Variants in MYH4 observed in about 807,000 individuals in gnomAD.
The protein encoded by MYH4 is myosin heavy chain 4.
MYH4 carries 200 observed loss-of-function variants against 229.9 expected under a neutral mutation model. That is an observed-to-expected ratio of 0.87 (90% confidence interval 0.78 to 0.98). MYH4 has a LOEUF of 0.98. Ranked by LOEUF, MYH4 falls within the 50% of genes least tolerant of loss-of-function variation. The pLI is 0.00. For synonymous variants in MYH4, 761 were observed against 834.6 expected, an observed-to-expected ratio of 0.91 and a Z score of 1.52; for missense variants, 2,148 against 2,332.6, an observed-to-expected ratio of 0.92 and a Z score of 1.63.
At position 10,456,860 on chromosome 17, in the gene MYH4, C is replaced by A. The variant is rs560840024; in HGVS notation, c.1898-305G>T. Among the ~76,000 whole-genome samples the A allele has an allele frequency of 4.6e-5, 7 of 152,296 alleles. No homozygotes were observed. The South Asian group carries it at 1.4e-3, about 32-fold the overall frequency. ...CAATGTCTGTTCTCTGAAGGAAGGG[C>A]CAAGGAGACAGAGTAGTAATGCCTT... On this transcript the variant is annotated intron_variant, in intron 16 of 39. Transcript: ENST00000255381.
intron 5 of MYH4, among the ~76,000 whole-genome samples, chr17:10,465,165 A>C (rs1326453189): frequency 2.0e-5 from 3 of 152,214 alleles, no homozygotes; most frequent in Admixed American, 6.5e-5. Flanking sequence ...ATTAATTTTG[A>C]GGTGGAACTA....
chr17:10,464,401 T>A (rs2072737509), intron 7 of MYH4, 71 bp downstream of exon 7: 10 of 1,267,992 alleles, frequency 7.9e-6, no homozygotes, highest in Admixed American at 7.9e-5. Flanking sequence ...CTGTATACAG[T>A]CTACTGTTGA....
Position 10,453,778 on chromosome 17 carries a change from C to T in MYH4, c.2799G>A (p.Glu933=), listed in dbSNP as rs767459401. Reference sequence around the variant, plus strand: ...CTGTCAGCTCAGCATTGATCTCTTCCTCATCCTCAGCTCTTTCAGTTACCT... The same window carrying T: ...CTGTCAGCTCAGCATTGATCTCTTCTTCATCCTCAGCTCTTTCAGTTACCT... ...IKEVTERAED[E]EEINAELTAK... Residue 933 remains glutamate, a synonymous_variant, in exon 23 of 40, where the codon GAG becomes GAA. Transcript: ENST00000255381. The T allele has an allele frequency of 3.1e-6, 5 of 1,613,936 alleles. No individual in the cohort carries two copies. The highest frequency in any genetic ancestry group is 3.4e-6 in the Non-Finnish European group (4 of 1,180,002).
rs767277489 is a variant in MYH4, at chr17:10,452,431, C to T, written c.3333G>A (p.Lys1111=). Residue 1111 remains lysine, a synonymous_variant, in exon 26 of 40, where the codon AAG becomes AAA. Coordinates refer to ENST00000255381, the MANE Select transcript of MYH4 (RefSeq NM_017533.2). ...EQALAIQLQK[K]IKELQARIEE... is the part of the protein sequence containing the mutation. Reference sequence around the variant, plus strand: ...TATAACTTACCTGTAATTCTTTGATCTTCTTTTGTAGCTGTATTGCAAGGG... The same window carrying T: ...TATAACTTACCTGTAATTCTTTGATTTTCTTTTGTAGCTGTATTGCAAGGG... 3.7e-6 allele frequency: 6 copies of T among 1,613,958 alleles called. No individual in the cohort carries two copies. Among genetic ancestry groups the T allele is most frequent in the Non-Finnish European group, 5.1e-6 (6 of 1,179,980 alleles).
chr17:10,447,364 G>T, intron 34 of MYH4, 148 bp from the exon 35 acceptor site: 2 of 655,672 alleles, frequency 3.1e-6, no homozygotes, highest in South Asian at 2.1e-5. Flanking sequence ...ATTCTTTGTA[G>T]CTGAGGGTTG....
chr17:10,460,851 C>T (rs1401834477), intron 12 of MYH4, 65 bp downstream of exon 12: 2 of 1,577,762 alleles, frequency 1.3e-6, no homozygotes, highest in East Asian at 2.2e-5. Flanking sequence ...AAAACACGGT[C>T]CCTGCCTCTG....
Position 10,466,778 on chromosome 17 carries a change from G to A in MYH4, c.-33C>T. 1 of 1,611,866 alleles carries A rather than the reference G, an allele frequency of 6.2e-7. No individual in the cohort carries two copies. The highest frequency in any genetic ancestry group is 8.5e-7 in the Non-Finnish European group (1 of 1,178,098). On this transcript the variant is annotated 5_prime_UTR_variant, in exon 3 of 40. Transcript: ENST00000255381. ...GGTTATTGATGGCAGTACTGGACTA[G>A]GTATACCTAGAGGAAGAAACAGAGC...
Position 10,454,686 on chromosome 17 carries a change from C to G in MYH4, c.2560G>C (p.Ala854Pro), listed in dbSNP as rs747680205. Reference sequence around the variant, plus strand: ...TTCTCAAATTCTTCCTTCATGTTGGCCATCTCCTTCTCTGTCTCTGCACTC... The same window carrying G: ...TTCTCAAATTCTTCCTTCATGTTGGGCATCTCCTTCTCTGTCTCTGCACTC... ...LKSAETEKEM[A>P]NMKEEFEKTK... Residue 854 changes from alanine to proline, a missense_variant, in exon 22 of 40, where the codon GCC becomes CCC. Ala to Pro is a conservative substitution (Grantham distance 27). Transcript: ENST00000255381. 2.2e-5 allele frequency: 35 copies of G among 1,614,146 alleles called. No individual in the cohort carries two copies. Among genetic ancestry groups the G allele is most frequent in the Non-Finnish European group, 2.0e-5 (24 of 1,180,032 alleles).
intron 19 of MYH4, 30 bp from the exon 20 acceptor site, chr17:10,455,325 G>A: frequency 6.3e-7 from 1 of 1,591,736 alleles, no homozygotes; most frequent in Non-Finnish European, 8.5e-7. Flanking sequence ...ATAAAAATGT[G>A]GTTTTTCTTC....
chr17:10,456,476 A>G lies in MYH4; in HGVS notation c.1968+9T>C, dbSNP rs780912994. Reference sequence around the variant, plus strand: ...AAGTATTTATCTGTAATTCAAGAATATACTGTACCCTGAAAAGAGCTGACA... The same window carrying G: ...AAGTATTTATCTGTAATTCAAGAATGTACTGTACCCTGAAAAGAGCTGACA... On this transcript the variant is annotated intron_variant, in intron 17 of 39. Coordinates refer to ENST00000255381, the MANE Select transcript of MYH4 (RefSeq NM_017533.2). 1.9e-6 allele frequency: 3 copies of G among 1,608,018 alleles called. No individual in the cohort carries two copies. Among genetic ancestry groups the G allele is most frequent in the South Asian group, 1.1e-5 (1 of 90,528 alleles).
chr17:10,453,504 AGGT>A (rs2072601591), intron 23 of MYH4, 136 bp downstream of exon 23: 1 of 1,545,962 alleles, frequency 6.5e-7, no homozygotes, highest in South Asian at 1.2e-5. Context: ...AAGTACATTG[AGGT>A]GGTGAAGACT....
At chr17:10,457,907 A>G (rs141136755) in intron 15 of MYH4, among the ~76,000 whole-genome samples, 178 bp from the exon 16 acceptor site, 1 of 152,342 alleles carries the variant, frequency 6.6e-6, no homozygotes, top group African/African-American at 2.4e-5. Flanking sequence ...TATACTTGCT[A>G]GAAAGACTCA....
rs904990176 is a variant in MYH4, at chr17:10,445,900, C to T, written c.5170-538G>A. Among the ~76,000 whole-genome samples, 7 of 151,514 alleles carry T rather than the reference C, an allele frequency of 4.6e-5. No homozygotes were observed. The South Asian group carries it at 6.3e-4, about 14-fold the overall frequency. On this transcript the variant is annotated intron_variant, in intron 35 of 39. Transcript: ENST00000255381. ...AAAATTAGTCGAGTGTGGTGGTGGG[C>T]GCCTGTAGTCCCAGCTACTCGGGAG... is the stretch of plus-strand genomic sequence containing the variant.
In MYH4 at chr17:10,443,487, A is replaced by G; in HGVS notation, c.5708T>C (p.Leu1903Pro). 6.2e-7 allele frequency: 1 copy of G among 1,614,058 alleles called. No homozygotes were observed. The highest frequency in any genetic ancestry group is 1.1e-5 in the South Asian group (1 of 91,060). ...SNVNLAKFRK[L>P]QHELEEAKER... The stretch of plus-strand genomic sequence containing the variant: ...CTTGGCCTCCTCCAGCTCGTGCTGG[A>G]GCTTGCGGAACTTGGCAAGGTTGAC... The change falls in exon 40 of 40, where the codon CTC (leucine) becomes CCC (proline). Residue 1903 changes from leucine to proline, a missense_variant. Transcript: ENST00000255381. This position sits in a 1 kb window ranked among gnomAD's most constrained non-coding sequence, Gnocchi z 4.6.
At chr17:10,445,794 C>T (rs915196843) in intron 35 of MYH4, among the ~76,000 whole-genome samples, 6 of 151,844 alleles carry the variant, frequency 4.0e-5, no homozygotes, top group Admixed American at 6.6e-5. Context: ...TTTGGGAGGC[C>T]GAGGTGGGCA....
At chr17:10,450,373 G>A (rs1462837879) in intron 30 of MYH4, 80 bp downstream of exon 30, 10 of 1,605,924 alleles carry the variant, frequency 6.2e-6, no homozygotes, top group Middle Eastern at 1.6e-4. Flanking sequence ...CCCCAAGCCC[G>A]GAATATTCTC....
Position 10,459,341 on chromosome 17 carries a change from C to T in MYH4, c.1497G>A (p.Leu499=), listed in dbSNP as rs777676490. 6.2e-7 allele frequency: 1 copy of T among 1,614,114 alleles called. No homozygotes were observed. Among genetic ancestry groups the T allele is most frequent in the Non-Finnish European group, 8.5e-7 (1 of 1,180,034 alleles). The change falls in exon 15 of 40, where the codon CTG becomes CTA. Residue 499 remains leucine (L), a synonymous_variant. Coordinates refer to ENST00000255381, the MANE Select transcript of MYH4 (RefSeq NM_017533.2). ...CTTCCTTCTTGTACTCTTCCTGCTC[C>T]AGCACGAACATGTGGTGGTTGAAAA... ...QQFFNHHMFV[L]EQEEYKKEGI... is the part of the protein sequence containing the mutation.
In MYH4 at chr17:10,445,035, C is replaced by T. The variant is rs1346442868; in HGVS notation, c.5407G>A (p.Glu1803Lys). 8 of 1,614,056 alleles carry T rather than the reference C, an allele frequency of 5.0e-6. No homozygotes were observed. In the Admixed American group the frequency reaches 1.2e-4, roughly 24 times the overall value. Residue 1803 changes from glutamate to lysine, a missense_variant, in exon 37 of 40, where the codon GAG (glutamate) becomes AAG (lysine). Glu to Lys is a moderately conservative substitution (Grantham distance 56). Transcript: ENST00000255381. ...TVKDLQLRLDEAEQLALKGGK... is the reference protein window; with the variant it reads ...TVKDLQLRLDKAEQLALKGGK... ...CCCTTCAGCGCCAGCTGCTCAGCCT[C>T]ATCCAGACGGAGCTGCAGATCCTTC...
chr17:10,450,559 C>G lies in MYH4; in HGVS notation c.4075G>C (p.Ala1359Pro). 1 of 1,614,204 alleles carries G rather than the reference C, an allele frequency of 6.2e-7. No homozygotes were observed. The highest frequency in any genetic ancestry group is 8.5e-7 in the Non-Finnish European group (1 of 1,180,034). ...EQYEEEQEAK[A>P]ELQRGMSKAN... Reference sequence around the variant, plus strand: ...TTGGACATTCCCCTCTGCAGCTCAGCCTTGGCTTCCTGCTCCTCCTCATAC... The same window carrying G: ...TTGGACATTCCCCTCTGCAGCTCAGGCTTGGCTTCCTGCTCCTCCTCATAC... Residue 1359 changes from alanine to proline, a missense_variant, in exon 30 of 40, where the codon GCT (alanine) becomes CCT (proline). By Grantham distance (27) the Ala-to-Pro change is conservative (BLOSUM62 -1). Transcript: ENST00000255381.
Sources: gnomAD v4.1 joint callset for allele counts (sites outside exome capture counted in the v4.1 genomes callset) on GRCh38, gnomAD v4.1.1 for gene constraint, Gnocchi (gnomAD v3.1) non-coding constraint, MANE v1.5 for transcripts, NCBI Gene and HGNC (gene_info 2026-07-23, HGNC 2026-07-21) for gene names.